CCDC169: variants seen among roughly 807,000 people sequenced by gnomAD.
The protein encoded by CCDC169 is coiled-coil domain containing 169.
Under a neutral mutation model 36.0 loss-of-function variants are expected in CCDC169, and 30 were observed. The ratio of observed to expected loss-of-function variants is 0.83; its 90% CI spans 0.62 to 1.13. The LOEUF is 1.13. Among genes scored for constraint, CCDC169 ranks in the 50% most tolerant of loss-of-function variants. CCDC169 has a pLI of 0.00. For synonymous variants in CCDC169, 85 were observed against 81.5 expected (o/e 1.04, Z -0.23); for missense variants, 245 against 245.9 (o/e 1.00, Z 0.03).
intron 5 of CCDC169, 28 bp from the exon 6 acceptor site, chr13:36,253,884 C>G (rs960117099): frequency 3.3e-5 from 51 of 1,549,914 alleles, no homozygotes; most frequent in Non-Finnish European, 4.1e-5. Flanking sequence ...AGCAAAGGGT[C>G]CAACATATGA....
chr13:36,231,923 C>T (rs1004311188), intron 7 of CCDC169, among the ~76,000 whole-genome samples: 2 of 152,014 alleles, frequency 1.3e-5, no homozygotes, highest in African/African-American at 4.8e-5. Flanking sequence ...AAGAACTTGT[C>T]ATTTTCTCCT....
intron 4 of CCDC169, chr13:36,282,258 T>A (rs1312710776): frequency 1.2e-5 from 6 of 487,660 alleles, no homozygotes; most frequent in African/African-American, 1.1e-4. Context: ...TCCCTAATTG[T>A]CAATTTAACA....
At chr13:36,251,554 TA>T (rs5802813) in intron 6 of CCDC169, among the ~76,000 whole-genome samples, 61,586 of 151,892 alleles carry the variant, frequency 0.41, 13,266 homozygotes, top group Non-Finnish European at 0.48. Flanking sequence ...CTTTTAACCT[TA>T]AAAAAAATCC....
intron 2 of CCDC169, among the ~76,000 whole-genome samples, chr13:36,294,419 T>C (rs559581808): frequency 1.3e-5 from 2 of 152,252 alleles, no homozygotes; most frequent in East Asian, 1.9e-4. Context: ...GATATAGATA[T>C]GGAGATAGAG....
At chr13:36,291,871 G>A (rs1001670452) in intron 2 of CCDC169, among the ~76,000 whole-genome samples, 5 of 151,896 alleles carry the variant, frequency 3.3e-5, no homozygotes, top group African/African-American at 1.2e-4. Flanking sequence ...AAATATATTG[G>A]ATTTATTAAT....
At chr13:36,233,499 TAGAG>T in intron 7 of CCDC169, among the ~76,000 whole-genome samples, 1 of 149,170 alleles carries the variant, frequency 6.7e-6, no homozygotes, top group East Asian at 2.0e-4. Flanking sequence ...TTAGACTTAA[TAGAG>T]AAAGACTTTA....
Position 36,279,473 on chromosome 13 carries a change from A to G in CCDC169, c.315+3996T>C, listed in dbSNP as rs1027804260. Among the ~76,000 whole-genome samples, 9 of 152,336 alleles carry G rather than the reference A, an allele frequency of 5.9e-5. No individual in the cohort carries two copies. The East Asian group carries it at 1.2e-3, about 20-fold the overall frequency. On this transcript the variant is annotated intron_variant, in intron 4 of 7. Transcript: ENST00000239859. ...GAAAATCTACCTATCTTATGATTTT[A>G]AAATTCCACTTCTAAGAACATGTAT...
chr13:36,277,423 A>G (rs1473004659), intron 4 of CCDC169, among the ~76,000 whole-genome samples: 1 of 152,190 alleles, frequency 6.6e-6, no homozygotes, highest in African/African-American at 2.4e-5. Flanking sequence ...GCACATGTTT[A>G]CCTATGTAAC....
In CCDC169 at chr13:36,273,785, T is replaced by C. The variant is rs186994932; in HGVS notation, c.315+9684A>G. Among the ~76,000 whole-genome samples the C allele has an allele frequency of 3.9e-5, 6 of 152,266 alleles. No individual in the cohort carries two copies. The East Asian group carries it at 1.2e-3, about 29-fold the overall frequency. On this transcript the variant is annotated intron_variant, in intron 4 of 7. Coordinates refer to ENST00000239859, the MANE Select transcript of CCDC169 (RefSeq NM_001144981.3). The stretch of plus-strand genomic sequence containing the variant: ...AGCTTTATAAGCACCATGTGGAAAA[T>C]GTATTAAGAAGCAGCTTCATAGCAG...
downstream of CCDC169, among the ~76,000 whole-genome samples, chr13:36,229,504 T>C: frequency 6.6e-6 from 1 of 151,420 alleles, no homozygotes; most frequent in East Asian, 1.9e-4. Flanking sequence ...AAAAATGTGT[T>C]TATTTTTCAT....
At chr13:36,285,466 C>T (rs1157405378) in intron 2 of CCDC169, among the ~76,000 whole-genome samples, 1 of 152,118 alleles carries the variant, frequency 6.6e-6, no homozygotes, top group Non-Finnish European at 1.5e-5. Flanking sequence ...AGAAGAATTG[C>T]TTGAACCCGG....
Position 36,231,061 on chromosome 13 carries a change from G to A in CCDC169, c.*132C>T. 1 of 1,425,104 alleles carries A rather than the reference G, an allele frequency of 7.0e-7. No homozygotes were observed. The highest frequency in any genetic ancestry group is 9.1e-7 in the Non-Finnish European group (1 of 1,094,358). 88.3% of individuals were successfully genotyped at this position (1,425,104 alleles called of 1,614,324 possible). On this transcript the variant is annotated 3_prime_UTR_variant, in exon 8 of 8. Coordinates refer to ENST00000239859, the MANE Select transcript of CCDC169 (RefSeq NM_001144981.3). ...GACAAAGGAACACACGTCTGGAAAA[G>A]GAACTAAAGAAAAATGTGGCAGTTC... is the stretch of plus-strand genomic sequence containing the variant.
intron 4 of CCDC169, among the ~76,000 whole-genome samples, chr13:36,261,716 A>T (rs1264518772): frequency 1.3e-5 from 2 of 152,114 alleles, no homozygotes; most frequent in African/African-American, 2.4e-5. Context: ...AGCAAAGAAA[A>T]CCCACACTAC....
At chr13:36,276,649 G>A (rs1876862544) in intron 4 of CCDC169, among the ~76,000 whole-genome samples, 1 of 152,092 alleles carries the variant, frequency 6.6e-6, no homozygotes, top group Non-Finnish European at 1.5e-5. Flanking sequence ...CAAGGGGGAG[G>A]GTACTGATAG....
intron 4 of CCDC169, chr13:36,274,229 G>A (rs1223838495): frequency 2.6e-5 from 4 of 152,104 alleles, no homozygotes; most frequent in African/African-American, 7.2e-5. Context: ...TTGCAAAAAC[G>A]ACAGCAATCA....
chr13:36,260,195 G>A (rs937483510), intron 4 of CCDC169, among the ~76,000 whole-genome samples: 9 of 152,216 alleles, frequency 5.9e-5, no homozygotes, highest in African/African-American at 1.2e-4. Context: ...GAGCTGGAAC[G>A]TGAACCCAGG....
chr13:36,278,949 T>G (rs1877175885), intron 4 of CCDC169, among the ~76,000 whole-genome samples: 1 of 152,226 alleles, frequency 6.6e-6, no homozygotes, highest in South Asian at 2.1e-4. Flanking sequence ...TCCTGTTCAT[T>G]GTAATCCATG....
At chr13:36,281,863 A>G (rs1877583024) in intron 4 of CCDC169, among the ~76,000 whole-genome samples, 1 of 150,918 alleles carries the variant, frequency 6.6e-6, no homozygotes, top group Admixed American at 6.6e-5. Flanking sequence ...CCCTCCCTCA[A>G]AAAAAAAAGA....
At chr13:36,260,987 T>C (rs917699527) in intron 4 of CCDC169, among the ~76,000 whole-genome samples, 2 of 152,164 alleles carry the variant, frequency 1.3e-5, no homozygotes, top group Non-Finnish European at 2.9e-5. Context: ...GGCAGAAATC[T>C]GTACTGACTT....
Sources: allele counts gnomAD v4.1 joint callset (sites outside exome capture counted in the v4.1 genomes callset), GRCh38; gene constraint gnomAD v4.1.1; transcripts MANE v1.5; gene names NCBI Gene and HGNC (gene_info 2026-07-23, HGNC 2026-07-21).